Variants in PLEKHA1 observed in about 807,000 individuals in gnomAD.
The protein encoded by PLEKHA1 is pleckstrin homology domain containing A1.
A neutral mutation model predicts 52.0 loss-of-function variants in PLEKHA1; 34 were observed. The observed-to-expected ratio is 0.65, with a 90% confidence interval of 0.50 to 0.87. PLEKHA1 has a LOEUF of 0.87. PLEKHA1 is among the 40% of genes least tolerant of loss of function. PLEKHA1 has a pLI of 0.00. For missense variants in PLEKHA1, 497 were observed against 504.2 expected, an observed-to-expected ratio of 0.99 and a Z score of 0.14; for synonymous variants, 163 against 170.7, an observed-to-expected ratio of 0.95 and a Z score of 0.35.
chr10:122,407,900 A>C (rs950294592), intron 5 of PLEKHA1, among the ~76,000 whole-genome samples: 6 of 152,216 alleles, frequency 3.9e-5, no homozygotes, highest in African/African-American at 1.2e-4. Flanking sequence ...TTATATCACA[A>C]CACAATAAAG....
At chr10:122,435,791 C>G (rs893679561), downstream of PLEKHA1, 1 of 151,756 alleles carries the variant, frequency 6.6e-6, no homozygotes, top group African/African-American at 2.4e-5. Context: ...TAGACCCACA[C>G]GCCTGTAGTC....
At position 122,416,180 on chromosome 10, in the gene PLEKHA1, A is replaced by T. The variant is rs565617627; in HGVS notation, c.612+178A>T. Among the ~76,000 whole-genome samples the T allele has an allele frequency of 1.4e-4, 21 of 152,314 alleles. No individual in the cohort carries two copies. The East Asian group carries it at 3.7e-3, about 27-fold the overall frequency. On this transcript the variant is annotated intron_variant, in intron 7 of 11. Transcript: ENST00000368990. ...TCTCTGTTTATAATTCAATGCTGTT[A>T]TTTGCTTGGTTTGCAGGGGGCCAGG...
At chr10:122,428,600 AAG>A (rs2097374031) in intron 11 of PLEKHA1, among the ~76,000 whole-genome samples, 1 of 152,226 alleles carries the variant, frequency 6.6e-6, no homozygotes, top group Non-Finnish European at 1.5e-5. Flanking sequence ...CAACTGCTGC[AAG>A]AGTTTCAATT....
intron 11 of PLEKHA1, among the ~76,000 whole-genome samples, chr10:122,429,215 A>G (rs1262990581): frequency 6.6e-6 from 1 of 152,186 alleles, no homozygotes; most frequent in Admixed American, 6.5e-5. Flanking sequence ...AATATGTGGG[A>G]TAATTCCTAG....
chr10:122,398,019 TG>T, intron 3 of PLEKHA1, 45 bp downstream of exon 3: 1 of 1,479,020 alleles, frequency 6.8e-7, no homozygotes, highest in Non-Finnish European at 9.4e-7. Flanking sequence ...TTAAAATCCC[TG>T]TGAATGAGAG....
In PLEKHA1 at chr10:122,424,283, T is replaced by G. The variant is rs772906411; in HGVS notation, c.746+20T>G. ...GCAAAGGTAAGGAACCGCTCTGACT[T>G]GATGCCTGGCACAAGTTATAAACAC... On this transcript the variant is annotated intron_variant, in intron 9 of 11. Transcript: ENST00000368990. 1.9e-6 allele frequency: 3 copies of G among 1,582,598 alleles called. No individual in the cohort carries two copies. Among genetic ancestry groups the G allele is most frequent in the Non-Finnish European group, 2.6e-6 (3 of 1,171,672 alleles).
chr10:122,429,584 T>C (rs1201232968), intron 11 of PLEKHA1, 40 bp from the exon 12 acceptor site: 1 of 1,581,714 alleles, frequency 6.3e-7, no homozygotes, highest in Non-Finnish European at 8.6e-7. Context: ...AACCTGGTCA[T>C]GAGTGACTGA....
intron 5 of PLEKHA1, among the ~76,000 whole-genome samples, chr10:122,409,681 A>T (rs1019895128): frequency 6.6e-6 from 1 of 152,150 alleles, no homozygotes; most frequent in South Asian, 2.1e-4. Flanking sequence ...AAACAAGTAG[A>T]TGTAGAATTC....
At chr10:122,442,271 T>A in the PLEKHA1 span, 1 of 151,992 alleles carries the variant, frequency 6.6e-6, no homozygotes, top group Admixed American at 6.5e-5. Flanking sequence ...AGTCTTTACT[T>A]TTTTTTTCTT....
chr10:122,406,931 C>T (rs1274967786), intron 5 of PLEKHA1, among the ~76,000 whole-genome samples: 2 of 152,148 alleles, frequency 1.3e-5, no homozygotes, highest in East Asian at 1.9e-4. Context: ...CTTCTTGCAA[C>T]GTTTCTAGGA....
At chr10:122,392,011 A>G (rs1297547175) in intron 1 of PLEKHA1, among the ~76,000 whole-genome samples, 1 of 152,190 alleles carries the variant, frequency 6.6e-6, no homozygotes, top group Admixed American at 6.5e-5. Flanking sequence ...CTGCCAAAAG[A>G]TGTGATGGTG....
chr10:122,375,774 A>G (rs904928800), intron 1 of PLEKHA1, among the ~76,000 whole-genome samples: 3 of 152,162 alleles, frequency 2.0e-5, no homozygotes, highest in African/African-American at 7.2e-5. Flanking sequence ...GAACAAATAA[A>G]TATCCAGGCA....
At chr10:122,415,470 G>T (rs1048073682) in intron 6 of PLEKHA1, among the ~76,000 whole-genome samples, 2 of 152,200 alleles carry the variant, frequency 1.3e-5, no homozygotes, top group Non-Finnish European at 2.9e-5. Context: ...AAAGTTTGTG[G>T]GTTGTGCCAA....
chr10:122,411,044 A>G (rs142146743), intron 5 of PLEKHA1, among the ~76,000 whole-genome samples: 251 of 152,364 alleles, frequency 1.6e-3, no homozygotes, highest in South Asian at 3.1e-3. Context: ...ATTCCAGGGT[A>G]TACTATCCTA....
intron 2 of PLEKHA1, among the ~76,000 whole-genome samples, chr10:122,394,769 C>T (rs1408551484): frequency 6.6e-6 from 1 of 152,140 alleles, no homozygotes; most frequent in African/African-American, 2.4e-5. Flanking sequence ...TTTTCTCTCC[C>T]TGATTTTTCT....
At position 122,406,539 on chromosome 10, in the gene PLEKHA1, G is replaced by A. The variant is rs529608396; in HGVS notation, c.245-37G>A. 2.7e-6 allele frequency: 4 copies of A among 1,502,110 alleles called. No homozygotes were observed. In the Admixed American group the frequency reaches 5.1e-5, roughly 19 times the overall value. 93.0% of individuals were successfully genotyped at this position (1,502,110 alleles called of 1,614,324 possible). A position where few individuals can be genotyped will look rare whatever the true frequency, so the allele number is the denominator to read the frequency against. On this transcript the variant is annotated intron_variant, in intron 4 of 11. Transcript: ENST00000368990. ...GCAAACATAAATTTAGAGGTAATAA[G>A]TACAATATTTGGTGTGTTATTTTTT...
chr10:122,381,157 T>C (rs2096609168), intron 1 of PLEKHA1, among the ~76,000 whole-genome samples: 1 of 152,192 alleles, frequency 6.6e-6, no homozygotes, highest in Non-Finnish European at 1.5e-5. Context: ...ATGTTGAGAA[T>C]AGATTGAAGT....
intron 5 of PLEKHA1, among the ~76,000 whole-genome samples, chr10:122,408,221 C>T (rs563231223): frequency 6.6e-6 from 1 of 152,238 alleles, no homozygotes; most frequent in African/African-American, 2.4e-5. Flanking sequence ...CAATAACAAG[C>T]AGCACTGGTT....
chr10:122,397,469 A>G (rs2096866829), intron 2 of PLEKHA1, among the ~76,000 whole-genome samples: 1 of 152,168 alleles, frequency 6.6e-6, no homozygotes, highest in African/African-American at 2.4e-5. Flanking sequence ...AACCATTTAA[A>G]TGGGGGGAAA....
Sources: gnomAD v4.1 joint callset for allele counts (sites outside exome capture counted in the v4.1 genomes callset) on GRCh38, gnomAD v4.1.1 for gene constraint, MANE v1.5 for transcripts, NCBI Gene and HGNC (gene_info 2026-07-23, HGNC 2026-07-21) for gene names.